The following ZNF682 variants were observed in gnomAD, a reference collection of about 807,000 sequenced individuals.
The protein encoded by ZNF682 is zinc finger protein 682.
ZNF682 carries 29 observed loss-of-function variants against 36.5 expected under a neutral mutation model. That is an observed-to-expected ratio of 0.80 (90% CI 0.59 to 1.08). ZNF682 has a LOEUF of 1.08. ZNF682 is among the 50% of genes least tolerant of loss of function. The pLI, the probability that ZNF682 is intolerant of heterozygous loss-of-function variation, is 0.00. For synonymous variants in ZNF682, 180 were observed against 197.0 expected (o/e 0.91, Z 0.72); for missense variants, 561 against 579.7 (o/e 0.97, Z 0.33).
intron 1 of ZNF682, among the ~76,000 whole-genome samples, chr19:20,035,067 C>T (rs925281764): frequency 1.3e-5 from 2 of 152,152 alleles, no homozygotes; most frequent in African/African-American, 4.8e-5. Context: ...CACTGCACTC[C>T]ACCCTAAGCA....
At chr19:20,010,296 A>G (rs560844321) in intron 3 of ZNF682, among the ~76,000 whole-genome samples, 2 of 152,330 alleles carry the variant, frequency 1.3e-5, no homozygotes, top group African/African-American at 4.8e-5. Flanking sequence ...TACAGAGTGC[A>G]TGAAGGGAAC....
chr19:19,997,244 C>T (rs1599597217), exon 4 of ZNF682: 1 of 398,636 alleles, frequency 2.5e-6, no homozygotes, highest in East Asian at 3.6e-5. Context: ...TGGGGTCCTA[C>T]TGTCCAACTC....
At chr19:20,029,298 T>TC (rs1034690822) in intron 1 of ZNF682, among the ~76,000 whole-genome samples, 20 of 151,656 alleles carry the variant, frequency 1.3e-4, no homozygotes, top group Non-Finnish European at 8.8e-5. Context: ...TGTTTTCTTT[T>TC]TTTTTTAAAT....
Position 20,006,559 on chromosome 19 carries a change from A to G in ZNF682, c.943T>C (p.Cys315Arg). 1.9e-6 allele frequency: 3 copies of G among 1,614,082 alleles called. No homozygotes were observed. Among genetic ancestry groups the G allele is most frequent in the Non-Finnish European group, 2.5e-6 (3 of 1,179,996 alleles). Reference protein sequence around the residue: ...TIHTGKKPYKCKECGKAFNHC... With the variant: ...TIHTGKKPYKRKECGKAFNHC... ...TTAAAGGCTTTCCCACATTCTTTAC[A>G]TTTGTAGGGTTTCTTTCCAGTGTGA... Residue 315 changes from cysteine to arginine, a missense_variant, in exon 4 of 4, where the codon TGT becomes CGT. Cys to Arg is a radical substitution (Grantham distance 180). Transcript: ENST00000397165.
chr19:20,036,348 G>T (rs2088528703), intron 1 of ZNF682, among the ~76,000 whole-genome samples: 1 of 150,792 alleles, frequency 6.6e-6, no homozygotes, highest in African/African-American at 2.4e-5. Context: ...ACAAAGTTTT[G>T]CTCCTATTGC....
At chr19:20,028,921 A>C (rs2088455680) in intron 1 of ZNF682, among the ~76,000 whole-genome samples, 1 of 151,904 alleles carries the variant, frequency 6.6e-6, no homozygotes, top group Admixed American at 6.6e-5. Flanking sequence ...ACTGTCCCAT[A>C]ATTCCCTGGA....
chr19:20,001,121 C>A (rs2088165775), downstream of ZNF682, among the ~76,000 whole-genome samples: 1 of 152,212 alleles, frequency 6.6e-6, no homozygotes, highest in Non-Finnish European at 1.5e-5. Context: ...GGTGGAAAGT[C>A]TCTGTTCACA....
intron 3 of ZNF682, among the ~76,000 whole-genome samples, chr19:20,015,010 TA>T (rs1486618052): frequency 2.0e-5 from 3 of 151,974 alleles, no homozygotes; most frequent in Non-Finnish European, 4.4e-5. Flanking sequence ...TTTCCCAAGA[TA>T]AAAACATGTG....
intron 1 of ZNF682, among the ~76,000 whole-genome samples, chr19:20,028,782 C>T (rs1327220153): frequency 3.3e-5 from 5 of 152,264 alleles, no homozygotes; most frequent in African/African-American, 7.2e-5. Flanking sequence ...GAAAACAACA[C>T]GCGCACATGC....
downstream of ZNF682, among the ~76,000 whole-genome samples, chr19:19,996,294 A>G (rs1346467954): frequency 6.6e-6 from 1 of 152,234 alleles, no homozygotes; most frequent in African/African-American, 2.4e-5. Flanking sequence ...AAAGAACTAA[A>G]GGTTATCTAC....
intron 1 of ZNF682, among the ~76,000 whole-genome samples, chr19:20,029,550 G>A (rs1214818730): frequency 6.8e-6 from 1 of 146,738 alleles, no homozygotes; most frequent in African/African-American, 2.5e-5. Flanking sequence ...GCAGCGAGCA[G>A]AAATCATACC....
intron 1 of ZNF682, among the ~76,000 whole-genome samples, chr19:20,024,656 G>A (rs779226116): frequency 5.9e-5 from 9 of 152,098 alleles, no homozygotes; most frequent in Non-Finnish European, 1.3e-4. Flanking sequence ...TGGCCAACAT[G>A]GTGAAACCCT....
At chr19:20,018,061 GT>G (rs1483126392) in intron 3 of ZNF682, among the ~76,000 whole-genome samples, 15 of 101,218 alleles carry the variant, frequency 1.5e-4, no homozygotes, top group Admixed American at 9.2e-4. Flanking sequence ...CAGAAATATA[GT>G]TAAGATTCTC....
chr19:20,031,759 AGT>A (rs937195719), intron 1 of ZNF682, among the ~76,000 whole-genome samples: 1 of 152,120 alleles, frequency 6.6e-6, no homozygotes, highest in African/African-American at 2.4e-5. Flanking sequence ...TGGCTAATAC[AGT>A]GAAACCCCAT....
intron 3 of ZNF682, among the ~76,000 whole-genome samples, chr19:20,010,961 C>CA (rs1400652816): frequency 6.7e-6 from 1 of 149,192 alleles, no homozygotes; most frequent in South Asian, 2.1e-4. Flanking sequence ...GAGACTGTCT[C>CA]AAAAAAGAAA....
chr19:19,998,605 A>AG (rs1394519984), intron 3 of ZNF682, among the ~76,000 whole-genome samples: 1 of 152,184 alleles, frequency 6.6e-6, no homozygotes, highest in Non-Finnish European at 1.5e-5. Context: ...TAGGAGGCTT[A>AG]GGCCTCATAA....
chr19:20,012,403 A>G (rs1202347200), intron 3 of ZNF682, among the ~76,000 whole-genome samples: 1 of 152,248 alleles, frequency 6.6e-6, no homozygotes, highest in African/African-American at 2.4e-5. Context: ...TAGACTAAAC[A>G]GACAACCTAT....
chr19:20,035,977 C>T (rs1243838361), intron 1 of ZNF682, among the ~76,000 whole-genome samples: 2 of 152,122 alleles, frequency 1.3e-5, no homozygotes, highest in Admixed American at 1.3e-4. Flanking sequence ...CTCAGGTGAT[C>T]CTCCCACCTC....
chr19:20,024,486 T>C, intron 1 of ZNF682, 110 bp from the exon 2 acceptor site: 3 of 1,264,452 alleles, frequency 2.4e-6, no homozygotes, highest in Non-Finnish European at 3.3e-6. Flanking sequence ...AATTATTCAA[T>C]CTGCTATTTT....
Sources: allele counts gnomAD v4.1 joint callset (sites outside exome capture counted in the v4.1 genomes callset), GRCh38; gene constraint gnomAD v4.1.1; transcripts MANE v1.5; gene names NCBI Gene and HGNC (gene_info 2026-07-23, HGNC 2026-07-21).